The following TACC1 variants were observed in gnomAD, a reference collection of about 807,000 sequenced individuals.
The protein encoded by TACC1 is transforming acidic coiled-coil containing protein 1.
A neutral mutation model predicts 84.4 loss-of-function variants in TACC1; 48 were observed. That is an observed-to-expected ratio of 0.57 (90% CI 0.45 to 0.72). The LOEUF is 0.72. Ranked by LOEUF, TACC1 falls within the 30% of genes least tolerant of loss-of-function variation. The pLI, the probability that TACC1 is intolerant of heterozygous loss-of-function variation, is 0.00. For missense variants in TACC1, 920 were observed against 973.0 expected, an observed-to-expected ratio of 0.95 and a Z score of 0.72; for synonymous variants, 372 against 376.3, an observed-to-expected ratio of 0.99 and a Z score of 0.13.
chr8:38,773,510 A>G (rs1265669008), intron 3 of TACC1, among the ~76,000 whole-genome samples: 2 of 150,882 alleles, frequency 1.3e-5, no homozygotes, highest in Admixed American at 1.3e-4. Flanking sequence ...ATATTTAAAC[A>G]TACATATTGT....
At chr8:38,810,538 A>T (rs954766459) in intron 2 of TACC1, among the ~76,000 whole-genome samples, 3 of 152,152 alleles carry the variant, frequency 2.0e-5, no homozygotes, top group East Asian at 1.9e-4. Flanking sequence ...TAGGAGGTTG[A>T]GGCTGCAGTG....
chr8:38,733,396 C>CAGCT (rs1193725717), intron 1 of TACC1, among the ~76,000 whole-genome samples: 1 of 151,958 alleles, frequency 6.6e-6, no homozygotes, highest in African/African-American at 2.4e-5. Context: ...TACACTGGTG[C>CAGCT]AGCTCTCTTG....
chr8:38,764,275 A>G (rs1203814107), intron 3 of TACC1, among the ~76,000 whole-genome samples: 2 of 151,878 alleles, frequency 1.3e-5, no homozygotes, highest in African/African-American at 4.8e-5. Context: ...ACAGGGTTTC[A>G]CCAAGTTGGC....
chr8:38,786,740 AG>A (rs1337136459), upstream of TACC1, among the ~76,000 whole-genome samples: 4 of 152,000 alleles, frequency 2.6e-5, no homozygotes, highest in East Asian at 7.8e-4. Flanking sequence ...CGGGAATGCC[AG>A]GGATGGAGAT....
At chr8:38,809,148 C>T (rs1028439967) in intron 2 of TACC1, among the ~76,000 whole-genome samples, 2 of 152,150 alleles carry the variant, frequency 1.3e-5, no homozygotes, top group Admixed American at 6.5e-5. Flanking sequence ...CAGGGCCATG[C>T]GTTTTACAAT....
chr8:38,836,222 C>T lies in TACC1; in HGVS notation c.1774C>T (p.Pro592Ser), dbSNP rs745943721. Residue 592 changes from proline (P) to serine (S), a missense_variant, in exon 7 of 13, where the codon CCC becomes TCC. By Grantham distance (74) the Pro-to-Ser change is moderately conservative. Coordinates refer to ENST00000317827, the MANE Select transcript of TACC1 (RefSeq NM_006283.3). ...PVSVSCGGES[P>S]LDGICLSESD... The stretch of plus-strand genomic sequence containing the variant: ...GTCGGTGTCCTGTGGAGGTGAGAGC[C>T]CCCTGGATGGGATCTGCCTCAGCGA... 96 of 1,613,262 alleles carry T rather than the reference C, an allele frequency of 6.0e-5. No individual in the cohort carries two copies. The highest frequency in any genetic ancestry group is 1.6e-4 in the Middle Eastern group (1 of 6,084).
chr8:38,738,877 G>A (rs4733947), intron 1 of TACC1, among the ~76,000 whole-genome samples: 100,194 of 151,842 alleles, frequency 0.66, 33,508 homozygotes, highest in East Asian at 0.95. Flanking sequence ...GGGCAAGGAG[G>A]TATATGTGTG....
intron 3 of TACC1, chr8:38,757,468 T>C: frequency 1.8e-6 from 2 of 1,103,714 alleles, no homozygotes; most frequent in Middle Eastern, 3.3e-4. Context: ...CAGCCCGGGA[T>C]GGAGCGCGCT....
intron 3 of TACC1, among the ~76,000 whole-genome samples, chr8:38,751,651 A>G (rs141626285): frequency 7.2e-5 from 11 of 152,346 alleles, no homozygotes; most frequent in African/African-American, 2.2e-4. Context: ...TTTTAAATCA[A>G]GGAATGTACA....
At chr8:38,763,954 AT>A (rs945310743) in intron 3 of TACC1, among the ~76,000 whole-genome samples, 2 of 152,222 alleles carry the variant, frequency 1.3e-5, no homozygotes, top group African/African-American at 4.8e-5. Flanking sequence ...ACAGGGTCAA[AT>A]AATGTATAGC....
At chr8:38,756,651 A>C (rs1810098760) in intron 3 of TACC1, among the ~76,000 whole-genome samples, 1 of 152,204 alleles carries the variant, frequency 6.6e-6, no homozygotes, top group South Asian at 2.1e-4. Flanking sequence ...AAAGATGAAC[A>C]TACTCCCTTG....
At chr8:38,798,649 T>TGTGTGTG (rs1820596173) in intron 2 of TACC1, among the ~76,000 whole-genome samples, 1 of 118,316 alleles carries the variant, frequency 8.5e-6, no homozygotes, top group Non-Finnish European at 1.9e-5. Context: ...GTATGTGTAT[T>TGTGTGTG]TTTCTGCTTT....
chr8:38,780,343 C>T (rs1031859062), intron 3 of TACC1, among the ~76,000 whole-genome samples: 2 of 152,090 alleles, frequency 1.3e-5, no homozygotes, highest in Non-Finnish European at 2.9e-5. Context: ...CATATTGTAA[C>T]ATGTTCTTTA....
intron 1 of TACC1, 197 bp from the exon 2 acceptor site, chr8:38,788,507 A>G (rs938896522): frequency 6.1e-6 from 3 of 494,406 alleles, no homozygotes; most frequent in Non-Finnish European, 1.1e-5. Context: ...GAGAGACAGG[A>G]TGCCAGCCTG....
rs1439849760 is a variant in TACC1 at position 38,787,514 on chromosome 8, T to G, written c.-69T>G. 1.6e-5 allele frequency: 23 copies of G among 1,434,172 alleles called. No homozygotes were observed. Among genetic ancestry groups the G allele is most frequent in the Non-Finnish European group, 2.0e-5 (22 of 1,098,132 alleles). 88.8% of individuals were successfully genotyped at this position (1,434,172 alleles called of 1,614,324 possible). The stretch of plus-strand genomic sequence containing the variant: ...CGCCTGTCACCGGTTCCCTCCATTT[T>G]GAAAGGGAAAAAGGCTCTCCCCACC... On this transcript the variant is annotated 5_prime_UTR_variant, in exon 1 of 13. Transcript: ENST00000317827.
rs543407958 is a variant in TACC1, at chr8:38,850,283, C to T, written c.*2260C>T. 1 of 152,198 alleles carries T rather than the reference C, an allele frequency of 6.6e-6. No individual in the cohort carries two copies. The highest frequency in any genetic ancestry group is 1.5e-5 in the Non-Finnish European group (1 of 68,054). The allele number at this position is 152,198 out of a possible 1,614,324, so 9.4% of individuals were successfully genotyped here. On this transcript the variant is annotated 3_prime_UTR_variant, in exon 13 of 13. Coordinates refer to ENST00000317827, the MANE Select transcript of TACC1 (RefSeq NM_006283.3). ...CCGTTATGAGGAAATATCCCCCATT[C>T]GAACTTAACAGATGCCTCCTCTCCA...
chr8:38,783,104 ATC>A (rs796733417), upstream of TACC1, among the ~76,000 whole-genome samples: 1,797 of 84,744 alleles, frequency 0.021, 9 homozygotes, highest in South Asian at 0.048. Flanking sequence ...CTATCTATCT[ATC>A]TATATATATA....
intron 2 of TACC1, among the ~76,000 whole-genome samples, chr8:38,819,266 T>C (rs1826132371): frequency 6.6e-6 from 1 of 152,256 alleles, no homozygotes; most frequent in Admixed American, 6.5e-5. Flanking sequence ...TTTTTCTAAA[T>C]AGCTCTTTTG....
chr8:38,842,227 T>TTC, intron 9 of TACC1, 60 bp from the exon 10 acceptor site: 1 of 1,563,274 alleles, frequency 6.4e-7, no homozygotes, highest in Non-Finnish European at 8.7e-7. Context: ...ACTGCTTGTC[T>TTC]TCTAAGGAGT....
Sources: allele counts gnomAD v4.1 joint callset (sites outside exome capture counted in the v4.1 genomes callset), GRCh38; gene constraint gnomAD v4.1.1; transcripts MANE v1.5; gene names NCBI Gene and HGNC (gene_info 2026-07-23, HGNC 2026-07-21).